DGKB: variants seen among roughly 807,000 people sequenced by gnomAD.
DGKB encodes 90 kDa diacylglycerol kinase.
In DGKB, 67 loss-of-function variants were observed where a neutral mutation model predicts 114.3. The observed-to-expected ratio is 0.59, with a 90% CI of 0.48 to 0.72. The LOEUF (loss-of-function observed/expected upper bound fraction) is 0.72, where lower values mean the gene tolerates loss of function less well. Ranked by LOEUF, DGKB falls within the 30% of genes least tolerant of loss-of-function variation. The pLI is 0.00. For missense variants in DGKB, 907 were observed against 975.2 expected, an observed-to-expected ratio of 0.93 and a Z score of 0.93; for synonymous variants, 398 against 323.1, an observed-to-expected ratio of 1.23 and a Z score of -2.49.
At chr7:14,314,815 C>T (rs2128515729) in intron 23 of DGKB, among the ~76,000 whole-genome samples, 1 of 151,412 alleles carries the variant, frequency 6.6e-6, no homozygotes, top group East Asian at 2.0e-4. Flanking sequence ...AGAGCAACTC[C>T]AAGACACATA....
At chr7:14,906,582 T>C (rs1783720714), upstream of DGKB, among the ~76,000 whole-genome samples, 1 of 150,264 alleles carries the variant, frequency 6.7e-6, no homozygotes, top group African/African-American at 2.4e-5. Context: ...GCCTCCCAAA[T>C]AACTGGGATT....
chr7:14,846,032 T>C (rs1586878866), intron 1 of DGKB, among the ~76,000 whole-genome samples: 1 of 152,196 alleles, frequency 6.6e-6, no homozygotes. Flanking sequence ...TTTTTATTTA[T>C]CAATATCTAA....
At chr7:14,160,484 GACAA>G (rs532623876) in intron 25 of DGKB, among the ~76,000 whole-genome samples, 12 of 152,188 alleles carry the variant, frequency 7.9e-5, no homozygotes, top group East Asian at 7.7e-4. Flanking sequence ...ACCAATAACA[GACAA>G]ACAGAGAGCC....
chr7:14,906,137 G>A (rs1043014884), upstream of DGKB, among the ~76,000 whole-genome samples: 1 of 151,768 alleles, frequency 6.6e-6, no homozygotes, highest in African/African-American at 2.4e-5. Flanking sequence ...TAATCCCTAA[G>A]AAATTCACAG....
chr7:14,958,426 A>ACACACACAC (rs1786641254), intron 1 of DGKB, among the ~76,000 whole-genome samples: 2 of 122,816 alleles, frequency 1.6e-5, no homozygotes, highest in African/African-American at 3.2e-5. Flanking sequence ...TACCTCTCCC[A>ACACACACAC]ACACACACAC....
chr7:14,259,415 A>C (rs200541995), intron 23 of DGKB, among the ~76,000 whole-genome samples: 7,996 of 143,870 alleles, frequency 0.056, 193 homozygotes, highest in African/African-American at 0.063. Context: ...CTCTATATAT[A>C]TATATATATA....
At chr7:14,922,288 G>T (rs1378745548) in intron 1 of DGKB, among the ~76,000 whole-genome samples, 1 of 151,920 alleles carries the variant, frequency 6.6e-6, no homozygotes, top group East Asian at 1.9e-4. Context: ...CAGGGATGGG[G>T]TGCCATGTAC....
intron 23 of DGKB, among the ~76,000 whole-genome samples, chr7:14,275,085 T>C (rs183510115): frequency 6.6e-6 from 1 of 152,308 alleles, no homozygotes; most frequent in African/African-American, 2.4e-5. Flanking sequence ...TCACTTTCTC[T>C]GAAGCATCTC....
At chr7:14,166,044 T>G (rs900586230) in intron 25 of DGKB, among the ~76,000 whole-genome samples, 2 of 152,220 alleles carry the variant, frequency 1.3e-5, no homozygotes, top group Non-Finnish European at 2.9e-5. Flanking sequence ...TATAACTCTT[T>G]GTTTCATGAC....
chr7:14,954,516 C>T (rs1243198183), intron 1 of DGKB, among the ~76,000 whole-genome samples: 2 of 151,826 alleles, frequency 1.3e-5, no homozygotes, highest in African/African-American at 4.8e-5. Flanking sequence ...ACTCCAGCCA[C>T]TGAATTGAAA....
chr7:14,175,021 G>A (rs1452015945), intron 25 of DGKB, among the ~76,000 whole-genome samples: 1 of 152,172 alleles, frequency 6.6e-6, no homozygotes, highest in East Asian at 1.9e-4. Flanking sequence ...AGTAGTTTCA[G>A]AGTAAAACCA....
chr7:14,415,672 ATT>A (rs1825614183), intron 21 of DGKB, among the ~76,000 whole-genome samples: 1 of 151,928 alleles, frequency 6.6e-6, no homozygotes, highest in African/African-American at 2.4e-5. Flanking sequence ...GTCTATCATT[ATT>A]GGACATTTGG....
intron 1 of DGKB, among the ~76,000 whole-genome samples, chr7:14,943,015 G>A (rs1785658422): frequency 6.6e-6 from 1 of 151,476 alleles, no homozygotes; most frequent in African/African-American, 2.4e-5. Flanking sequence ...TACATACGTA[G>A]AATAATTAAA....
intron 20 of DGKB, among the ~76,000 whole-genome samples, chr7:14,479,907 AG>A (rs1475985027): frequency 6.6e-6 from 1 of 152,108 alleles, no homozygotes; most frequent in Non-Finnish European, 1.5e-5. Context: ...AACAAAGCAA[AG>A]GAATATGAAT....
chr7:14,454,073 T>C (rs1388237902), intron 21 of DGKB, among the ~76,000 whole-genome samples: 2 of 152,144 alleles, frequency 1.3e-5, no homozygotes, highest in Non-Finnish European at 2.9e-5. Context: ...GACATGTATA[T>C]AATGTGTAAT....
rs73287029 is a variant in DGKB at position 14,912,004 on chromosome 7, T to C, written c.-188+62692A>G. ...CATCAGAGTTCTGGTTGTTTTGTAC[T>C]TGTTTTAGTTTGTTTGCTTCTACTC... On this transcript the variant is annotated intron_variant, in intron 1 of 4. Transcript: ENST00000437998. Among the ~76,000 whole-genome samples, 208 of 152,314 alleles carry C rather than the reference T, an allele frequency of 1.4e-3. 2 individuals carry two copies. The highest frequency in any genetic ancestry group is 4.7e-3 in the African/African-American group (196 of 41,584).
intron 1 of DGKB, among the ~76,000 whole-genome samples, chr7:14,866,364 T>A (rs976084935): frequency 2.6e-5 from 4 of 152,274 alleles, no homozygotes; most frequent in South Asian, 2.1e-4. Context: ...TATAGAGTAG[T>A]TTTATTGCCT....
At chr7:14,444,570 T>C (rs1019036516) in intron 21 of DGKB, among the ~76,000 whole-genome samples, 1 of 151,846 alleles carries the variant, frequency 6.6e-6, no homozygotes, top group Non-Finnish European at 1.5e-5. Context: ...GGATAGTAAA[T>C]TGGTAGCATT....
At chr7:14,366,823 T>G (rs1198823367) in intron 21 of DGKB, among the ~76,000 whole-genome samples, 4 of 152,178 alleles carry the variant, frequency 2.6e-5, no homozygotes, top group Non-Finnish European at 1.5e-5. Flanking sequence ...AGATTTTCTC[T>G]GCAAAGGAAC....
Sources: gnomAD v4.1 joint callset for allele counts (sites outside exome capture counted in the v4.1 genomes callset) on GRCh38, gnomAD v4.1.1 for gene constraint, MANE v1.5 for transcripts, NCBI Gene and HGNC (gene_info 2026-07-23, HGNC 2026-07-21) for gene names.